DACH2: variants seen among roughly 807,000 people sequenced by gnomAD.
The protein encoded by DACH2 is dachshund family transcription factor 2, also known as dachshund homolog 2.
A neutral mutation model predicts 35.8 loss-of-function variants in DACH2; 17 were observed. The observed-to-expected ratio is 0.48, with a 90% CI of 0.33 to 0.71. DACH2 has a LOEUF of 0.71. Ranked by LOEUF, DACH2 falls within the 30% of genes least tolerant of loss-of-function variation. The probability of loss-of-function intolerance (pLI) is 0.02; values close to 1 mark genes in which losing one functional copy is unlikely to be tolerated. For missense variants in DACH2, 469 were observed against 472.7 expected, an observed-to-expected ratio of 0.99 and a Z score of 0.07; for synonymous variants, 195 against 177.3, an observed-to-expected ratio of 1.10 and a Z score of -0.79.
intron 2 of DACH2, among the ~76,000 whole-genome samples, chrX:86,476,212 C>A (rs1462636784): frequency 9.0e-6 from 1 of 111,720 alleles, no homozygotes; most frequent in Non-Finnish European, 1.9e-5. Context: ...GAGGTGTTCC[C>A]TTCTTCTCTC....
chrX:86,240,682 C>G (rs1258068010), intron 1 of DACH2, among the ~76,000 whole-genome samples: 1 of 109,538 alleles, frequency 9.1e-6, no homozygotes, highest in Non-Finnish European at 1.9e-5. Context: ...TGGTTTGGCT[C>G]TGTGTCCCCA....
chrX:86,320,328 C>A (rs1365120515), intron 1 of DACH2, among the ~76,000 whole-genome samples: 3 of 112,285 alleles, frequency 2.7e-5, no homozygotes, highest in African/African-American at 9.7e-5. Context: ...TTAAGAAAAT[C>A]CTTTTTCATT....
At chrX:86,702,971 G>C (rs1342611836) in intron 5 of DACH2, among the ~76,000 whole-genome samples, 2 of 110,839 alleles carry the variant, frequency 1.8e-5, no homozygotes, top group Non-Finnish European at 3.8e-5. Context: ...ACCAAAAAAA[G>C]ATAACTACAG....
In DACH2 at chrX:86,442,050, T is replaced by C. The variant is rs188841271; in HGVS notation, c.527+65188T>C. 4.5e-4 allele frequency among the ~76,000 whole-genome samples: 49 copies of C among 109,755 alleles called. No individual in the cohort carries two copies. The East Asian group carries it at 0.014, about 31-fold the overall frequency. Reference sequence around the variant, plus strand: ...CAGTTATCCTTTTAACATTTTTTTGTGGAGATGGGAATTTGCTATGTTGCA... The same window carrying C: ...CAGTTATCCTTTTAACATTTTTTTGCGGAGATGGGAATTTGCTATGTTGCA... On this transcript the variant is annotated intron_variant, in intron 2 of 11. Transcript: ENST00000373125.
chrX:86,431,582 G>A (rs2036985659), intron 2 of DACH2, among the ~76,000 whole-genome samples: 1 of 111,440 alleles, frequency 9.0e-6, no homozygotes, highest in Non-Finnish European at 1.9e-5. Context: ...AAATGCATGT[G>A]TCCGAATGGC....
intron 1 of DACH2, among the ~76,000 whole-genome samples, chrX:86,274,230 C>G (rs2033865250): frequency 9.1e-6 from 1 of 110,366 alleles, no homozygotes; most frequent in Non-Finnish European, 1.9e-5. Context: ...TACTGGGAAG[C>G]AGAACTATGT....
chrX:86,482,813 A>G (rs753032414), intron 2 of DACH2, among the ~76,000 whole-genome samples: 65 of 110,727 alleles, frequency 5.9e-4, no homozygotes, highest in South Asian at 3.1e-3. Context: ...TGCAGCCGTA[A>G]AAAATGATGA....
intron 6 of DACH2, among the ~76,000 whole-genome samples, chrX:86,724,316 G>A (rs1003366660): frequency 1.4e-4 from 16 of 111,623 alleles, no homozygotes; most frequent in Non-Finnish European, 1.5e-4. Flanking sequence ...ACATGTTTTC[G>A]TGATGGCGAA....
chrX:86,710,937 A>G (rs1326073111), intron 5 of DACH2, among the ~76,000 whole-genome samples: 1 of 111,970 alleles, frequency 8.9e-6, no homozygotes, highest in East Asian at 2.8e-4. Flanking sequence ...AATATTACAG[A>G]AGTCAACGTG....
In DACH2 at chrX:86,739,851, C is replaced by G; in HGVS notation, c.1209C>G (p.Pro403=). ...SHTSSSVSSS[P]SQMDHHLERM... The stretch of plus-strand genomic sequence containing the variant: ...CCAGCAGCAGTGTGTCCAGCTCTCC[C>G]TCTCAGATGGATCATCATTTGGAAA... The change falls in exon 7 of 12, where the codon CCC becomes CCG. Residue 403 remains proline (P), a synonymous_variant. Transcript: ENST00000373125. 4.2e-6 allele frequency: 5 copies of G among 1,202,547 alleles called. No homozygotes were observed. Among genetic ancestry groups the G allele is most frequent in the Non-Finnish European group, 5.6e-6 (5 of 891,426 alleles).
chrX:86,299,522 T>A (rs2034533550), intron 1 of DACH2, among the ~76,000 whole-genome samples: 1 of 111,996 alleles, frequency 8.9e-6, no homozygotes, highest in Admixed American at 9.5e-5. Context: ...CATAAAGATA[T>A]GTGTGTTGAG....
At chrX:86,666,086 A>T (rs1353765697) in intron 4 of DACH2, among the ~76,000 whole-genome samples, 1 of 111,203 alleles carries the variant, frequency 9.0e-6, no homozygotes, top group Non-Finnish European at 1.9e-5. Context: ...AGGAAGCTAA[A>T]TTAATATTTT....
rs55941702 is a variant in DACH2, at chrX:86,391,282, TAAAAAAAAAAAAAAAAAAAA to T, written c.527+14441_527+14460del. ...TGGGTGACAGAGTGAGGCTCTGTCT[TAAAAAAAAAAAAAAAAAAAA>T]AAAAAAAAAAAAAAAAAAAAGACTG... is the stretch of plus-strand genomic sequence containing the variant. On this transcript the variant is annotated intron_variant, in intron 2 of 11. Transcript: ENST00000373125. 9.5e-3 allele frequency among the ~76,000 whole-genome samples: 203 copies of T among 21,433 alleles called. 3 individuals carry two copies. The highest frequency in any genetic ancestry group is 0.053 in the Middle Eastern group (1 of 19). The allele number at this position is 21,433 out of a possible 115,157, so 18.6% of individuals were successfully genotyped here.
At chrX:86,422,626 G>T (rs2036823929) in intron 2 of DACH2, among the ~76,000 whole-genome samples, 1 of 110,656 alleles carries the variant, frequency 9.0e-6, no homozygotes. Context: ...GCACATCATG[G>T]ATAATGGGTT....
chrX:86,569,635 C>A (rs2039339880), intron 3 of DACH2, among the ~76,000 whole-genome samples: 1 of 111,139 alleles, frequency 9.0e-6, no homozygotes, highest in South Asian at 3.7e-4. Context: ...ACTATAAAAA[C>A]CCTAGAAGAA....
rs1271047625 is a variant in DACH2, at chrX:86,721,729, C to T, written c.1104+7009C>T. 4.5e-5 allele frequency among the ~76,000 whole-genome samples: 5 copies of T among 111,588 alleles called. No individual in the cohort carries two copies. In the South Asian group the frequency reaches 1.9e-3, roughly 42 times the overall value. ...ACTATATTAGCTCATTCTCATGATGCTATGAGACTGAGTAATTTATAAAGA... is the reference window on the plus strand; with the variant it reads ...ACTATATTAGCTCATTCTCATGATGTTATGAGACTGAGTAATTTATAAAGA... On this transcript the variant is annotated intron_variant, in intron 6 of 11. Coordinates refer to ENST00000373125, the MANE Select transcript of DACH2 (RefSeq NM_053281.3).
chrX:86,814,938 G>A (rs1602983722), intron 10 of DACH2, 104 bp downstream of exon 10: 4 of 874,972 alleles, frequency 4.6e-6, no homozygotes, highest in Non-Finnish European at 6.3e-6. Flanking sequence ...AAGAAAGGAA[G>A]GGAGAGAGGG....
At chrX:86,291,548 A>G (rs1303986806) in intron 1 of DACH2, among the ~76,000 whole-genome samples, 3 of 107,838 alleles carry the variant, frequency 2.8e-5, no homozygotes, top group Non-Finnish European at 5.7e-5. Context: ...TCAGTATGAT[A>G]TTGTCTGTGG....
chrX:86,572,458 C>A (rs766835085), intron 3 of DACH2, among the ~76,000 whole-genome samples: 1 of 111,791 alleles, frequency 8.9e-6, no homozygotes, highest in Admixed American at 9.5e-5. Flanking sequence ...TTAATCTTTT[C>A]TACATGCATG....
Sources: gnomAD v4.1 joint callset for allele counts (sites outside exome capture counted in the v4.1 genomes callset) on GRCh38, gnomAD v4.1.1 for gene constraint, MANE v1.5 for transcripts, NCBI Gene and HGNC (gene_info 2026-07-23, HGNC 2026-07-21) for gene names.